Variants in DMD observed in about 807,000 individuals in gnomAD.
DMD encodes mutant dystrophin.
Under a neutral mutation model 330.1 loss-of-function variants are expected in DMD, and 63 were observed. That is an observed-to-expected ratio of 0.19 (90% CI 0.16 to 0.24). The LOEUF (loss-of-function observed/expected upper bound fraction) is 0.24. DMD is among the 10% of genes least tolerant of loss of function. The pLI is 1.00. For synonymous variants in DMD, 1,223 were observed against 959.8 expected, an observed-to-expected ratio of 1.27 and a Z score of -5.07; for missense variants, 3,344 against 2,684.1, an observed-to-expected ratio of 1.25 and a Z score of -5.43.
intron 44 of DMD, among the ~76,000 whole-genome samples, chrX:32,120,692 A>G (rs1245359348): frequency 8.9e-6 from 1 of 112,054 alleles, no homozygotes; most frequent in Non-Finnish European, 1.9e-5. Flanking sequence ...CAAGGCCCTA[A>G]GCAGCTGGTT....
chrX:32,537,288 A>G (rs1214743550), intron 17 of DMD, among the ~76,000 whole-genome samples: 1 of 111,644 alleles, frequency 9.0e-6, no homozygotes, highest in African/African-American at 3.3e-5. Flanking sequence ...AGAGAGGGAG[A>G]GGTAGAAATA....
chrX:32,632,451 C>T (rs2058795298), intron 11 of DMD, among the ~76,000 whole-genome samples: 1 of 112,274 alleles, frequency 8.9e-6, no homozygotes, highest in African/African-American at 3.2e-5. Context: ...TAGGCAATGC[C>T]CCAGTGGGGA....
chrX:32,184,964 G>A (rs1416610683), intron 44 of DMD, among the ~76,000 whole-genome samples: 1 of 108,121 alleles, frequency 9.2e-6, no homozygotes, highest in Non-Finnish European at 1.9e-5. Context: ...GTACTCCCAG[G>A]TTACTCCACT....
chrX:31,664,529 CTTTTTT>C (rs57706460), intron 53 of DMD, among the ~76,000 whole-genome samples: 2 of 63,784 alleles, frequency 3.1e-5, no homozygotes, highest in African/African-American at 1.4e-4. Context: ...AGTGTTCAAG[CTTTTTT>C]TTTTTTTTTT....
chrX:32,735,549 T>C (rs2068341038), intron 7 of DMD, among the ~76,000 whole-genome samples: 1 of 111,338 alleles, frequency 9.0e-6, no homozygotes, highest in Admixed American at 9.6e-5. Flanking sequence ...AACAGCATGG[T>C]ACTGGTACCA....
intron 20 of DMD, among the ~76,000 whole-genome samples, chrX:32,486,768 T>A (rs1278789346): frequency 9.4e-6 from 1 of 106,110 alleles, no homozygotes; most frequent in African/African-American, 3.4e-5. Context: ...CCCTATTTAA[T>A]AAATGGTGCT....
At chrX:31,739,938 T>A in intron 51 of DMD, among the ~76,000 whole-genome samples, 1 of 108,657 alleles carries the variant, frequency 9.2e-6, no homozygotes, top group Non-Finnish European at 1.9e-5. Context: ...ATTTTTAAAA[T>A]AAATTATCTC....
At chrX:31,142,515 A>T (rs1466325287) in intron 76 of DMD, among the ~76,000 whole-genome samples, 1 of 112,730 alleles carries the variant, frequency 8.9e-6, no homozygotes, top group African/African-American at 3.2e-5. Flanking sequence ...CAAACTGTTG[A>T]ATTAATTGCA....
chrX:31,983,170 G>A (rs1350583865), intron 44 of DMD, among the ~76,000 whole-genome samples: 2 of 110,191 alleles, frequency 1.8e-5, no homozygotes, highest in African/African-American at 6.6e-5. Context: ...CGTATTGTAG[G>A]GAAATAAGGG....
intron 19 of DMD, among the ~76,000 whole-genome samples, chrX:32,492,195 G>A (rs1312544941): frequency 1.9e-4 from 21 of 111,106 alleles, no homozygotes; most frequent in Non-Finnish European, 1.3e-4. Flanking sequence ...AAAATTAGCC[G>A]GGCGTGGTGG....
At chrX:32,107,338 ATGTGTGTGTG>A (rs34502564) in intron 44 of DMD, among the ~76,000 whole-genome samples, 6 of 89,134 alleles carry the variant, frequency 6.7e-5, no homozygotes, top group Non-Finnish European at 1.1e-4. Context: ...ATATAATTAT[ATGTGTGTGTG>A]TGTGTGTGTG....
chrX:31,167,589 C>T (rs2039553011), intron 74 of DMD, among the ~76,000 whole-genome samples: 1 of 111,411 alleles, frequency 9.0e-6, no homozygotes, highest in Admixed American at 9.5e-5. Context: ...TGACTTTGAC[C>T]CCTACAATAA....
At chrX:32,329,698 T>A (rs978410277) in intron 41 of DMD, among the ~76,000 whole-genome samples, 1 of 112,572 alleles carries the variant, frequency 8.9e-6, no homozygotes. Context: ...TATAGATAAC[T>A]GTATTTGTTA....
intron 7 of DMD, among the ~76,000 whole-genome samples, chrX:32,781,758 A>G (rs917723353): frequency 5.4e-4 from 60 of 111,418 alleles, no homozygotes; most frequent in African/African-American, 2.0e-3. Flanking sequence ...ATACTAAGGC[A>G]AAGTAGCTTA....
intron 78 of DMD, among the ~76,000 whole-genome samples, chrX:31,125,191 T>A (rs1440294776): frequency 8.9e-6 from 1 of 111,769 alleles, no homozygotes; most frequent in Non-Finnish European, 1.9e-5. Flanking sequence ...AATGAATAAA[T>A]TTTAAGGGGC....
chrX:32,086,941 A>T (rs762543754), intron 44 of DMD, among the ~76,000 whole-genome samples: 1 of 111,783 alleles, frequency 8.9e-6, no homozygotes, highest in Admixed American at 9.5e-5. Flanking sequence ...TGACTAAAAA[A>T]CCTGCAAAGT....
intron 47 of DMD, among the ~76,000 whole-genome samples, chrX:31,881,981 C>T (rs2094077823): frequency 8.9e-6 from 1 of 112,246 alleles, no homozygotes; most frequent in African/African-American, 3.2e-5. Flanking sequence ...TAGAGGACTA[C>T]CTTCTTCATG....
At chrX:31,921,303 G>C (rs975351167) in intron 47 of DMD, among the ~76,000 whole-genome samples, 2 of 111,995 alleles carry the variant, frequency 1.8e-5, no homozygotes, top group African/African-American at 6.5e-5. Context: ...TAGGCAATAG[G>C]AGGAGAAAAA....
intron 30 of DMD, among the ~76,000 whole-genome samples, chrX:32,398,668 C>T (rs1009135092): frequency 6.3e-5 from 7 of 110,769 alleles, no homozygotes; most frequent in African/African-American, 1.3e-4. Context: ...ATAACGACAA[C>T]GATAATAGAA....
Sources: gnomAD v4.1 joint callset for allele counts (sites outside exome capture counted in the v4.1 genomes callset) on GRCh38, gnomAD v4.1.1 for gene constraint, MANE v1.5 for transcripts, NCBI Gene and HGNC (gene_info 2026-07-23, HGNC 2026-07-21) for gene names.